Variants in PGM3 observed in about 807,000 individuals in gnomAD.
The protein encoded by PGM3 is phosphoacetylglucosamine mutase.
PGM3 carries 40 observed loss-of-function variants against 66.2 expected under a neutral mutation model. The ratio of observed to expected loss-of-function variants is 0.60; its 90% CI spans 0.47 to 0.79. The LOEUF is 0.79. Ranked by LOEUF, PGM3 falls within the 30% of genes least tolerant of loss-of-function variation. The probability of loss-of-function intolerance (pLI) is 0.00; values close to 1 mark genes in which losing one functional copy is unlikely to be tolerated. For missense variants in PGM3, 537 were observed against 643.4 expected (o/e 0.83, Z 1.79); for synonymous variants, 191 against 224.2 (o/e 0.85, Z 1.32).
At chr6:83,154,060 T>C in the PGM3 span, 38 of 1,613,670 alleles carry the variant, frequency 2.4e-5, no homozygotes, top group Non-Finnish European at 3.2e-5. Context: ...TGCCCTCTTA[T>C]TTGTATTCAG....
At chr6:83,190,042 C>T (rs944119970) in intron 2 of PGM3, among the ~76,000 whole-genome samples, 1 of 152,104 alleles carries the variant, frequency 6.6e-6, no homozygotes, top group Non-Finnish European at 1.5e-5. Flanking sequence ...TGAATAAGTT[C>T]TGGAAGACTA....
Position 83,166,961 on chromosome 6 carries a change from C to T in PGM3, c.*2273G>A. ...TTCATTCTTTAGTGTGGAATTGTATCTGTGATTCTGCCCAAGTTCAACCAA... is the reference window on the plus strand; with the variant it reads ...TTCATTCTTTAGTGTGGAATTGTATTTGTGATTCTGCCCAAGTTCAACCAA... On this transcript the variant is annotated 3_prime_UTR_variant, in exon 13 of 13. Coordinates refer to ENST00000513973, the MANE Select transcript of PGM3 (RefSeq NM_015599.3). 1 of 986,176 alleles carries T rather than the reference C, an allele frequency of 1.0e-6. No individual in the cohort carries two copies. The highest frequency in any genetic ancestry group is 1.2e-6 in the Non-Finnish European group (1 of 830,572). The allele number at this position is 986,176 out of a possible 1,614,324, so 61.1% of individuals were successfully genotyped here.
At chr6:83,173,799 T>C (rs977758657) in intron 10 of PGM3, among the ~76,000 whole-genome samples, 2 of 152,112 alleles carry the variant, frequency 1.3e-5, no homozygotes, top group South Asian at 2.1e-4. Context: ...TGCAGTGGCG[T>C]GATCTTGGCT....
At chr6:83,158,872 C>T (rs1350220459), downstream of PGM3, among the ~76,000 whole-genome samples, 1 of 152,142 alleles carries the variant, frequency 6.6e-6, no homozygotes, top group African/African-American at 2.4e-5. Context: ...ATTGTTTCAG[C>T]TACATGAGCT....
chr6:83,176,227 T>C (rs1787753460), intron 8 of PGM3, 167 bp from the exon 9 acceptor site: 1 of 526,062 alleles, frequency 1.9e-6, no homozygotes, highest in Admixed American at 3.0e-5. Context: ...AATGGAAGCA[T>C]GAACACACTC....
At chr6:83,160,033 A>G, downstream of PGM3, 1 of 1,445,548 alleles carries the variant, frequency 6.9e-7, no homozygotes. Context: ...ATCTATGACT[A>G]ATTAAAAAGT....
the PGM3 span, among the ~76,000 whole-genome samples, chr6:83,150,679 T>C: frequency 1.3e-5 from 2 of 152,222 alleles, no homozygotes; most frequent in African/African-American, 4.8e-5. Context: ...TAAAAAACCA[T>C]GTCAGAGTGA....
rs777605557 is a variant in PGM3, at chr6:83,179,858, G to A, written c.897C>T (p.Asp299=). 5 of 1,613,146 alleles carry A rather than the reference G, an allele frequency of 3.1e-6. No homozygotes were observed. The Admixed American group carries it at 5.0e-5, about 16-fold the overall frequency. Residue 299 remains aspartate (D), a synonymous_variant, in exon 7 of 13, where the codon GAC becomes GAT. Coordinates refer to ENST00000513973, the MANE Select transcript of PGM3 (RefSeq NM_015599.3). ...AACTGCTAATTAACGTTGCTATCTT[G>A]TCTCCATCTATGAGATGAAAGTGGC... is the stretch of plus-strand genomic sequence containing the variant. The part of the protein sequence containing the change: ...ADGHFHLIDG[D]KIATLISSFL...
downstream of PGM3, among the ~76,000 whole-genome samples, chr6:83,159,048 A>G (rs1000350903): frequency 2.0e-5 from 3 of 152,278 alleles, no homozygotes; most frequent in East Asian, 5.8e-4. Flanking sequence ...TTATTAATGT[A>G]TGACTAAATA....
intron 2 of PGM3, 105 bp downstream of exon 2, chr6:83,190,704 G>T: frequency 3.4e-6 from 3 of 876,882 alleles, no homozygotes; most frequent in Non-Finnish European, 5.5e-6. Context: ...AAATGAGAAG[G>T]CACATTCCTA....
intron 11 of PGM3, chr6:83,170,752 A>ATCACACACAAAAAC: frequency 3.6e-6 from 1 of 275,184 alleles, no homozygotes; most frequent in South Asian, 9.6e-5. Flanking sequence ...TAAGTCCCAT[A>ATCACACACAAAAAC]TCACACACAA....
chr6:83,171,899 TA>T, intron 11 of PGM3, 37 bp downstream of exon 11: 2 of 1,519,230 alleles, frequency 1.3e-6, no homozygotes, highest in Non-Finnish European at 9.1e-7. Flanking sequence ...TTTACTTAGC[TA>T]ATATTCAAAA....
At chr6:83,174,124 G>A (rs1787568029) in intron 10 of PGM3, among the ~76,000 whole-genome samples, 1 of 152,168 alleles carries the variant, frequency 6.6e-6, no homozygotes, top group African/African-American at 2.4e-5. Flanking sequence ...AGCTGAATCT[G>A]TGATCCTAGG....
Position 83,174,388 on chromosome 6 carries a change from CAAT to C in PGM3, c.1225_1227del (p.Ile409del). 6.3e-7 allele frequency: 1 copy of C among 1,579,316 alleles called. No individual in the cohort carries two copies. Among genetic ancestry groups the C allele is most frequent in the Non-Finnish European group, 8.7e-7 (1 of 1,150,534 alleles). On this transcript the variant is annotated inframe_deletion, in exon 10 of 13. Coordinates refer to ENST00000513973, the MANE Select transcript of PGM3 (RefSeq NM_015599.3). ...TCAGTTCTGACCTGGTTAAACAAGT[CAAT>C]AATGTTTTCAAGCATCTTAGCAGCT... is the stretch of plus-strand genomic sequence containing the variant.
At chr6:83,164,539 T>C, downstream of PGM3, 1 of 956,308 alleles carries the variant, frequency 1.0e-6, no homozygotes, top group Non-Finnish European at 1.6e-6. Context: ...TCCCACAGAA[T>C]AAGAAAACTA....
At chr6:83,174,700 TA>T (rs1361989938) in intron 9 of PGM3, among the ~76,000 whole-genome samples, 1 of 152,194 alleles carries the variant, frequency 6.6e-6, no homozygotes, top group East Asian at 1.9e-4. Flanking sequence ...GCGGATTATA[TA>T]ACTGGTTATA....
chr6:83,161,249 A>T (rs1350139635), downstream of PGM3: 1 of 152,166 alleles, frequency 6.6e-6, no homozygotes, highest in Non-Finnish European at 1.5e-5. Context: ...GTTACTACAA[A>T]AGGGAAGGAA....
At chr6:83,159,349 T>C (rs1783650785), downstream of PGM3, among the ~76,000 whole-genome samples, 1 of 152,144 alleles carries the variant, frequency 6.6e-6, no homozygotes, top group African/African-American at 2.4e-5. Flanking sequence ...TCCTGGCTCA[T>C]TGCAGCCTCG....
Position 83,167,041 on chromosome 6 carries a change from T to C in PGM3, c.*2193A>G. ...AATGATGTCTGTAGCTGTGTTTGTGTAATTCAGGTGGCTTCTCAAACTAGC... is the reference window on the plus strand; with the variant it reads ...AATGATGTCTGTAGCTGTGTTTGTGCAATTCAGGTGGCTTCTCAAACTAGC... On this transcript the variant is annotated 3_prime_UTR_variant, in exon 13 of 13. Coordinates refer to ENST00000513973, the MANE Select transcript of PGM3 (RefSeq NM_015599.3). 1.0e-6 allele frequency: 1 copy of C among 985,406 alleles called. No individual in the cohort carries two copies. Among genetic ancestry groups the C allele is most frequent in the Non-Finnish European group, 1.2e-6 (1 of 829,888 alleles). The allele number at this position is 985,406 out of a possible 1,614,324, so 61.0% of individuals were successfully genotyped here. A position where few individuals can be genotyped will look rare whatever the true frequency, so the allele number is the denominator to read the frequency against.
Sources: gnomAD v4.1 joint callset for allele counts (sites outside exome capture counted in the v4.1 genomes callset) on GRCh38, gnomAD v4.1.1 for gene constraint, MANE v1.5 for transcripts, NCBI Gene and HGNC (gene_info 2026-07-23, HGNC 2026-07-21) for gene names.